The following CPT1A variants were observed in gnomAD, a reference collection of about 807,000 sequenced individuals.
The protein encoded by CPT1A is carnitine O-palmitoyltransferase 1, liver isoform.
CPT1A carries 64 observed loss-of-function variants against 100.8 expected under a neutral mutation model. That is an observed-to-expected ratio of 0.63 (90% CI 0.52 to 0.78). The LOEUF is 0.78. Among genes scored for constraint, CPT1A ranks in the 30% least tolerant of loss-of-function variants. CPT1A has a pLI of 0.00. For synonymous variants in CPT1A, 363 were observed against 396.0 expected (o/e 0.92, Z 0.99); for missense variants, 802 against 1,034.1 (o/e 0.78, Z 3.08).
intron 13 of CPT1A, 33 bp downstream of exon 13, chr11:68,775,283 G>C: frequency 6.6e-7 from 1 of 1,516,352 alleles, no homozygotes; most frequent in Non-Finnish European, 9.2e-7. Flanking sequence ...CCCATCCCAG[G>C]TAAGTAACAA....
chr11:68,796,762 A>C, intron 7 of CPT1A, 94 bp downstream of exon 7: 1 of 1,247,304 alleles, frequency 8.0e-7, no homozygotes. Context: ...GAGTTTTCCC[A>C]GGCCGTCCAC....
intron 14 of CPT1A, among the ~76,000 whole-genome samples, chr11:68,766,707 C>T (rs895145745): frequency 4.0e-5 from 6 of 151,870 alleles, no homozygotes; most frequent in Admixed American, 6.6e-5. Context: ...AGGCTGGTTT[C>T]GAACTTCTGA....
intron 1 of CPT1A, among the ~76,000 whole-genome samples, chr11:68,831,983 C>G (rs915350719): frequency 2.0e-5 from 3 of 152,108 alleles, no homozygotes; most frequent in Non-Finnish European, 4.4e-5. Context: ...CAATGTGACC[C>G]ATATATATTT....
intron 5 of CPT1A, 58 bp from the exon 6 acceptor site, chr11:68,799,413 A>G (rs1855843464): frequency 6.3e-7 from 1 of 1,586,394 alleles, no homozygotes; most frequent in Admixed American, 1.7e-5. Context: ...ATCAAAGCCT[A>G]TGTTTGCCTC....
At position 68,762,680 on chromosome 11, in the gene CPT1A, A is replaced by C. The variant is rs562540364; in HGVS notation, c.1822T>G (p.Cys608Gly). Residue 608 changes from cysteine (C) to glycine (G), a missense_variant, in exon 15 of 19, where the codon TGC becomes GGC. By Grantham distance (159) the Cys-to-Gly change is radical. Around this residue, in one of 4 missense-constraint regions of CPT1A, gnomAD observed 627 missense variants for 799.3 expected, o/e 0.78. Transcript: ENST00000265641. ...REGRTETVRS[C>G]TTESCDFVRA... is the part of the protein sequence containing the mutation. ...ACGAAGTCGCATGACTCAGTGGTGC[A>C]GGAGCGCACGGTCTCCGTCCTCCCC... 6.2e-7 allele frequency: 1 copy of C among 1,614,012 alleles called. No homozygotes were observed. The highest frequency in any genetic ancestry group is 1.1e-5 in the South Asian group (1 of 91,072).
intron 1 of CPT1A, among the ~76,000 whole-genome samples, chr11:68,816,913 TGG>T (rs1317159184): frequency 1.5e-3 from 41 of 28,098 alleles, no homozygotes; most frequent in Non-Finnish European, 7.0e-3. Context: ...GGTGTGTGTG[TGG>T]TGTGTGTGTG....
At position 68,832,914 on chromosome 11, in the gene CPT1A, C is replaced by G. The variant is rs11228375; in HGVS notation, c.-14+8861G>C. ...AAGTGTGAGGCTGGATGACATGGGC[C>G]TCATCCCTGGAAAAACTGGAGAAGG... On this transcript the variant is annotated intron_variant, in intron 1 of 18. Coordinates refer to ENST00000265641, the MANE Select transcript of CPT1A (RefSeq NM_001876.4). Among the ~76,000 whole-genome samples the G allele has an allele frequency of 2.6e-3, 402 of 152,324 alleles. 8 individuals are homozygous for G. In the East Asian group the frequency reaches 0.056, roughly 21 times the overall value.
At chr11:68,784,176 C>T (rs80253242) in intron 10 of CPT1A, among the ~76,000 whole-genome samples, 8 of 152,222 alleles carry the variant, frequency 5.3e-5, no homozygotes, top group Non-Finnish European at 8.8e-5. Context: ...TTCTTTTTCA[C>T]TGAGGCAAGG....
In CPT1A at chr11:68,763,441, T is replaced by C. The variant is rs147407554; in HGVS notation, c.1741-680A>G. Among the ~76,000 whole-genome samples, 325 of 152,260 alleles carry C rather than the reference T, an allele frequency of 2.1e-3. 1 individual carries two copies. Among genetic ancestry groups the C allele is most frequent in the African/African-American group, 6.9e-3 (288 of 41,542 alleles). On this transcript the variant is annotated intron_variant, in intron 14 of 18. Transcript: ENST00000265641. ...TGAAATGATTTAAAGACACAACGTA[T>C]TGCCTGGAGCAATTCCACTGCGTCT...
intron 5 of CPT1A, among the ~76,000 whole-genome samples, chr11:68,800,907 G>A (rs1211512913): frequency 2.6e-5 from 4 of 152,018 alleles, no homozygotes; most frequent in Non-Finnish European, 5.9e-5. Context: ...TTGAGCCCAG[G>A]AGTTCAAGAC....
Position 68,773,432 on chromosome 11 carries a change from T to C in CPT1A, c.1576-3A>G, listed in dbSNP as rs1360035998. 1.7e-5 allele frequency: 27 copies of C among 1,613,856 alleles called. No homozygotes were observed. Among genetic ancestry groups the C allele is most frequent in the Non-Finnish European group, 2.1e-5 (25 of 1,179,916 alleles). On this transcript the variant is annotated splice_polypyrimidine_tract_variant and splice_region_variant and intron_variant, in intron 13 of 18. Coordinates refer to ENST00000265641, the MANE Select transcript of CPT1A (RefSeq NM_001876.4). ...GAGGTCTCTATAACCTCTTGACACT[T>C]GAGAGAAAGAAGAAAAAGGTTTTAC... is the stretch of plus-strand genomic sequence containing the variant.
intron 12 of CPT1A, among the ~76,000 whole-genome samples, chr11:68,778,288 T>C (rs1444798499): frequency 6.6e-6 from 1 of 151,784 alleles, no homozygotes; most frequent in African/African-American, 2.4e-5. Context: ...AGCTGAGACC[T>C]AAGGAAGACC....
chr11:68,807,570 G>C lies in CPT1A; in HGVS notation c.350C>G (p.Ala117Gly). Residue 117 changes from alanine to glycine, a missense_variant, in exon 4 of 19, where the codon GCC becomes GGC. Transcript: ENST00000265641. ...GGAGTAGCGCATGGTGACGATGAGGGCCACCCACAGGCCGGTGCCAAACAG... is the reference window on the plus strand; with the variant it reads ...GGAGTAGCGCATGGTGACGATGAGGCCCACCCACAGGCCGGTGCCAAACAG... Reference protein sequence around the residue: ...GVLFGTGLWVALIVTMRYSLK... With the variant: ...GVLFGTGLWVGLIVTMRYSLK... 6.2e-7 allele frequency: 1 copy of C among 1,614,160 alleles called. No individual in the cohort carries two copies. Among genetic ancestry groups the C allele is most frequent in the Non-Finnish European group, 8.5e-7 (1 of 1,180,044 alleles).
intron 12 of CPT1A, among the ~76,000 whole-genome samples, chr11:68,776,738 G>T (rs1594330061): frequency 6.6e-6 from 1 of 152,206 alleles, no homozygotes. Context: ...AATTAGGTGG[G>T]TGTGGCGATG....
intron 10 of CPT1A, among the ~76,000 whole-genome samples, chr11:68,784,158 C>T (rs914346305): frequency 2.6e-5 from 4 of 152,202 alleles, no homozygotes; most frequent in East Asian, 1.9e-4. Flanking sequence ...CCACTGCGCC[C>T]GGCCTGATTC....
rs1015079389 is a variant in CPT1A at position 68,815,915 on chromosome 11, C to A, written c.-13-428G>T. On this transcript the variant is annotated intron_variant, in intron 1 of 18. Coordinates refer to ENST00000265641, the MANE Select transcript of CPT1A (RefSeq NM_001876.4). ...CGGAACCATGCCTCCAAGCCAGCATCCAGGCCCGTGGTACCCCAACCCTGG... is the reference window on the plus strand; with the variant it reads ...CGGAACCATGCCTCCAAGCCAGCATACAGGCCCGTGGTACCCCAACCCTGG... Among the ~76,000 whole-genome samples the A allele has an allele frequency of 1.2e-4, 18 of 145,036 alleles. No homozygotes were observed. The Admixed American group carries it at 1.2e-3, about 10-fold the overall frequency.
At chr11:68,830,039 G>A (rs943531359) in intron 1 of CPT1A, among the ~76,000 whole-genome samples, 1 of 152,154 alleles carries the variant, frequency 6.6e-6, no homozygotes, top group East Asian at 1.9e-4. Flanking sequence ...CACTTTGGGA[G>A]GGCAAGATGG....
At chr11:68,837,891 T>A (rs1417688303) in intron 1 of CPT1A, among the ~76,000 whole-genome samples, 1 of 152,170 alleles carries the variant, frequency 6.6e-6, no homozygotes, top group Non-Finnish European at 1.5e-5. Context: ...TCTGAATGTC[T>A]GCTCTGGGCC....
intron 14 of CPT1A, among the ~76,000 whole-genome samples, chr11:68,768,066 CTTTTTTTTTTTT>C (rs71043448): frequency 9.8e-5 from 7 of 71,248 alleles, no homozygotes; most frequent in South Asian, 1.3e-3. Context: ...AGTTTCCAGT[CTTTTTTTTTTTT>C]TTTTTTTTTT....
Sources: allele counts gnomAD v4.1 joint callset (sites outside exome capture counted in the v4.1 genomes callset), GRCh38; gene constraint gnomAD v4.1.1; regional missense constraint gnomAD v4.1.1; transcripts MANE v1.5; gene names NCBI Gene and HGNC (gene_info 2026-07-23, HGNC 2026-07-21).